PMS2: variants seen among roughly 807,000 people sequenced by gnomAD.
The protein encoded by PMS2 is mismatch repair endonuclease PMS2.
PMS2 carries 69 observed loss-of-function variants against 90.0 expected under a neutral mutation model. That is an observed-to-expected ratio of 0.77 (90% CI 0.63 to 0.94). PMS2 has a LOEUF of 0.94. PMS2 is among the 40% of genes least tolerant of loss of function. The pLI, the probability that PMS2 is intolerant of heterozygous loss-of-function variation, is 0.00. For missense variants in PMS2, 966 were observed against 1,040.2 expected (o/e 0.93, Z 0.98); for synonymous variants, 332 against 375.1 (o/e 0.89, Z 1.33).
intron 1 of PMS2, among the ~76,000 whole-genome samples, chr7:6,006,481 G>A (rs1167879850): frequency 6.6e-6 from 1 of 152,016 alleles, no homozygotes; most frequent in Non-Finnish European, 1.5e-5. Context: ...GTGAAACCCC[G>A]TCTTTACTAA....
chr7:5,982,799 G>A, intron 12 of PMS2, 25 bp downstream of exon 12: 3 of 1,610,068 alleles, frequency 1.9e-6, no homozygotes, highest in Middle Eastern at 2.2e-4. Context: ...GGGGGAGTCT[G>A]GGAATGAACA....
chr7:5,997,938 T>C (rs1451844564), intron 6 of PMS2, among the ~76,000 whole-genome samples: 1 of 152,080 alleles, frequency 6.6e-6, no homozygotes, highest in Non-Finnish European at 1.5e-5. Context: ...TACCTACTTA[T>C]TCAGAACCCA....
intron 6 of PMS2, among the ~76,000 whole-genome samples, chr7:5,998,365 C>G (rs182480489): frequency 6.7e-6 from 1 of 148,264 alleles, no homozygotes; most frequent in African/African-American, 2.5e-5. Context: ...CAGACGTGAG[C>G]CACTGCGCCG....
chr7:6,007,821 T>C (rs1786002503), intron 1 of PMS2, among the ~76,000 whole-genome samples: 2 of 151,894 alleles, frequency 1.3e-5, no homozygotes, highest in Admixed American at 6.6e-5. Flanking sequence ...ATAAGTTTAT[T>C]TGGCAGCACA....
chr7:5,992,429 C>T (rs563173053), intron 8 of PMS2, among the ~76,000 whole-genome samples: 1 of 151,694 alleles, frequency 6.6e-6, no homozygotes, highest in East Asian at 1.9e-4. Flanking sequence ...AAGTGATTAT[C>T]CTGACTCAGC....
intron 2 of PMS2, among the ~76,000 whole-genome samples, chr7:6,004,666 G>A (rs1785509068): frequency 6.8e-6 from 1 of 146,616 alleles, no homozygotes; most frequent in Non-Finnish European, 1.5e-5. Flanking sequence ...AGTGAGCCGA[G>A]ATCGTGCCAT....
At chr7:6,004,788 T>C (rs1785526289) in intron 2 of PMS2, among the ~76,000 whole-genome samples, 2 of 151,872 alleles carry the variant, frequency 1.3e-5, no homozygotes, top group Admixed American at 6.6e-5. Context: ...CTTTATAATC[T>C]CAAAAAAAGG....
intron 11 of PMS2, 51 bp downstream of exon 11, chr7:5,986,708 A>C: frequency 1.4e-6 from 2 of 1,380,320 alleles, no homozygotes; most frequent in South Asian, 1.4e-5. Context: ...ATAAAAAATA[A>C]AAATAAAAAT....
chr7:5,999,038 G>T (rs2128798106), intron 6 of PMS2, 70 bp downstream of exon 6: 1 of 1,421,938 alleles, frequency 7.0e-7, no homozygotes, highest in Non-Finnish European at 9.9e-7. Flanking sequence ...CATTCTACTG[G>T]AAGGGACAAT....
In PMS2 at chr7:5,987,599, G is replaced by A. The variant is rs1554298076; in HGVS notation, c.1166C>T (p.Ala389Val). Residue 389 changes from alanine (A) to valine (V), a missense_variant, in exon 11 of 15, where the codon GCA becomes GTA. Ala to Val is a moderately conservative substitution (Grantham distance 64, BLOSUM62 0). Transcript: ENST00000265849. ...TACCATGGGCTTTTCCAAATCCGCT[G>A]CATGCATTTTTATTAAGTTACCTAA... ...DVEGNLIKMHAADLEKPMVEK... is the reference protein window; with the variant it reads ...DVEGNLIKMHVADLEKPMVEK... The A allele has an allele frequency of 6.2e-7, 1 of 1,603,210 alleles. No individual in the cohort carries two copies. The highest frequency in any genetic ancestry group is 2.2e-5 in the East Asian group (1 of 44,838).
rs926063682 is a variant in PMS2, at chr7:6,002,431, A to T, written c.537+22T>A. On this transcript the variant is annotated intron_variant, in intron 5 of 14. Coordinates refer to ENST00000265849, the MANE Select transcript of PMS2 (RefSeq NM_000535.7). Reference sequence around the variant, plus strand: ...ATGTGCATTAACCAATACTCTTGAAAACCAGGATTAATTTACTGTACCTTC... The same window carrying T: ...ATGTGCATTAACCAATACTCTTGAATACCAGGATTAATTTACTGTACCTTC... The T allele has an allele frequency of 2.0e-6, 3 of 1,521,950 alleles. No homozygotes were observed. The African/African-American group carries it at 4.1e-5, about 21-fold the overall frequency. The allele number at this position is 1,521,950 out of a possible 1,614,324, so 94.3% of individuals were successfully genotyped here. A position where few individuals can be genotyped will look rare whatever the true frequency, so the allele number is the denominator to read the frequency against.
At chr7:5,995,444 C>A in intron 8 of PMS2, 90 bp downstream of exon 8, 1 of 798,330 alleles carries the variant, frequency 1.3e-6, no homozygotes, top group Non-Finnish European at 2.2e-6. Context: ...AAGTCCCGAG[C>A]TCCACGTAAA....
intron 1 of PMS2, among the ~76,000 whole-genome samples, chr7:6,007,352 G>A (rs1049503549): frequency 4.6e-5 from 7 of 152,082 alleles, no homozygotes; most frequent in African/African-American, 1.4e-4. Context: ...CTGACCTCAG[G>A]TGATCCGCCT....
intron 1 of PMS2, among the ~76,000 whole-genome samples, chr7:6,007,770 G>A (rs1358839747): frequency 1.3e-5 from 2 of 151,814 alleles, no homozygotes; most frequent in Non-Finnish European, 2.9e-5. Flanking sequence ...ATGTGAAACT[G>A]CAGATGACCT....
At chr7:5,997,254 T>A in intron 7 of PMS2, 72 bp downstream of exon 7, 1 of 763,540 alleles carries the variant, frequency 1.3e-6, no homozygotes, top group East Asian at 2.6e-5. Context: ...AGCCTTAGAA[T>A]CACTATCTTT....
rs771513870 is a variant in PMS2, at chr7:5,982,985, C to G, written c.2013G>C (p.Thr671=). ...EDELRKEISK[T]MFAEMEIIGQ... The stretch of plus-strand genomic sequence containing the variant: ...CAATGATTTCCATTTCTGCAAACAT[C>G]GTTTTACTGCAGGTAGAAAATGTTA... Residue 671 remains threonine, a synonymous_variant, in exon 12 of 15, where the codon ACG becomes ACC. Coordinates refer to ENST00000265849, the MANE Select transcript of PMS2 (RefSeq NM_000535.7). 6.6e-7 allele frequency: 1 copy of G among 1,517,298 alleles called. No homozygotes were observed. 94.0% of individuals were successfully genotyped at this position (1,517,298 alleles called of 1,614,324 possible).
rs1554298007 is a variant in PMS2 at position 5,987,541 on chromosome 7, A to C, written c.1224T>G (p.Thr408=). The C allele has an allele frequency of 6.2e-7, 1 of 1,614,024 alleles. No homozygotes were observed. The highest frequency in any genetic ancestry group is 1.1e-5 in the South Asian group (1 of 91,084). Residue 408 remains threonine, a synonymous_variant, in exon 11 of 15, where the codon ACT becomes ACG. Coordinates refer to ENST00000265849, the MANE Select transcript of PMS2 (RefSeq NM_000535.7). ...EKQDQSPSLR[T]GEEKKDVSIS... is the part of the protein sequence containing the mutation. ...TGGACACGTCTTTTTTTTCTTCTCC[A>C]GTCCTTAATGAAGGGGATTGATCCT...
At position 5,989,810 on chromosome 7, in the gene PMS2, C is replaced by A. The variant is rs754576828; in HGVS notation, c.1134G>T (p.Leu378=). The change falls in exon 10 of 15, where the codon CTG becomes CTT. Residue 378 remains leucine, a synonymous_variant. Transcript: ENST00000265849. ...CTGTATTTTTCTTACCTTCAACATCCAGCAGTGGCTGCTGACTGACATTTA... is the reference window on the plus strand; with the variant it reads ...CTGTATTTTTCTTACCTTCAACATCAAGCAGTGGCTGCTGACTGACATTTA... The part of the protein sequence containing the change: ...NKLNVSQQPL[L]DVEGNLIKMH... 1.2e-5 allele frequency: 20 copies of A among 1,612,306 alleles called. No homozygotes were observed. The highest frequency in any genetic ancestry group is 1.6e-5 in the Non-Finnish European group (19 of 1,178,726).
Position 5,987,411 on chromosome 7 carries a change from C to G in PMS2, c.1354G>C (p.Gly452Arg), listed in dbSNP as rs569947936. ...PRRSPLGQKRGMLSSSTSGAI... is the reference protein window; with the variant it reads ...PRRSPLGQKRRMLSSSTSGAI... The stretch of plus-strand genomic sequence containing the variant: ...CCTGAAGTGCTAGAAGACAGCATAC[C>G]CCTTTTCTGTCCTAGAGGGCTCCTT... The change falls in exon 11 of 15, where the codon GGT becomes CGT. Residue 452 changes from glycine to arginine, a missense_variant. By Grantham distance (125) the Gly-to-Arg change is moderately radical (BLOSUM62 -2). This residue lies in a region of PMS2 where 871 missense variants were observed against 802.4 expected (regional missense o/e 1.09). Transcript: ENST00000265849. The G allele has an allele frequency of 4.3e-6, 7 of 1,614,136 alleles. No individual in the cohort carries two copies. The East Asian group carries it at 1.1e-4, about 26-fold the overall frequency.
Sources: gnomAD v4.1 joint callset for allele counts (sites outside exome capture counted in the v4.1 genomes callset) on GRCh38, gnomAD v4.1.1 for gene constraint, gnomAD v4.1.1 regional missense constraint, MANE v1.5 for transcripts, NCBI Gene and HGNC (gene_info 2026-07-23, HGNC 2026-07-21) for gene names.